ESRRG: variants seen among roughly 807,000 people sequenced by gnomAD.
The protein encoded by ESRRG is estrogen-related receptor gamma.
A neutral mutation model predicts 44.0 loss-of-function variants in ESRRG; 13 were observed. That is an observed-to-expected ratio of 0.30 (90% CI 0.19 to 0.47). The LOEUF (loss-of-function observed/expected upper bound fraction) is 0.47. Ranked by LOEUF, ESRRG falls within the 20% of genes least tolerant of loss-of-function variation. ESRRG has a pLI of 1.00. For synonymous variants in ESRRG, 215 were observed against 214.6 expected (o/e 1.00, Z -0.02); for missense variants, 395 against 580.6 (o/e 0.68, Z 3.29).
chr1:216,616,186 A>G (rs1321100776), intron 3 of ESRRG, among the ~76,000 whole-genome samples: 4 of 152,230 alleles, frequency 2.6e-5, no homozygotes, highest in Middle Eastern at 3.4e-3. Context: ...GGCTGTCACT[A>G]CTGTGTGCCC....
intron 2 of ESRRG, among the ~76,000 whole-genome samples, chr1:216,872,735 A>G (rs1251712219): frequency 6.6e-6 from 1 of 152,034 alleles, no homozygotes; most frequent in Non-Finnish European, 1.5e-5. Context: ...TGCTTGTTGG[A>G]ACAATTTTTA....
At chr1:216,706,579 A>G (rs1379088852) in intron 1 of ESRRG, among the ~76,000 whole-genome samples, 3 of 152,182 alleles carry the variant, frequency 2.0e-5, no homozygotes, top group Admixed American at 6.5e-5. Flanking sequence ...ATCACTTGCA[A>G]TTGGAAACTT....
intron 2 of ESRRG, among the ~76,000 whole-genome samples, chr1:216,665,485 G>C (rs888235293): frequency 9.9e-5 from 15 of 152,120 alleles, no homozygotes; most frequent in African/African-American, 3.6e-4. Flanking sequence ...GAGATATCTA[G>C]AGCAGCCAAA....
chr1:216,939,414 C>T (rs2064830174), intron 2 of ESRRG, among the ~76,000 whole-genome samples: 1 of 135,192 alleles, frequency 7.4e-6, no homozygotes, highest in Non-Finnish European at 1.6e-5. Flanking sequence ...TTTTAAAAGG[C>T]AGAATGCGGA....
At chr1:216,551,643 G>A (rs1383075713) in intron 5 of ESRRG, among the ~76,000 whole-genome samples, 1 of 152,114 alleles carries the variant, frequency 6.6e-6, no homozygotes, top group Non-Finnish European at 1.5e-5. Flanking sequence ...AAAACCCGTG[G>A]ATTATTCACA....
intron 5 of ESRRG, among the ~76,000 whole-genome samples, chr1:216,529,328 G>T (rs1179917684): frequency 6.6e-6 from 1 of 152,078 alleles, no homozygotes; most frequent in African/African-American, 2.4e-5. Context: ...TTTATGGCTG[G>T]CTGAGAGTTT....
At chr1:217,062,766 T>C (rs2088821968) in intron 1 of ESRRG, among the ~76,000 whole-genome samples, 2 of 152,160 alleles carry the variant, frequency 1.3e-5, no homozygotes, top group Non-Finnish European at 1.5e-5. Context: ...CTCCCTTCAG[T>C]CTACAGTTTC....
chr1:217,125,897 G>A (rs1247249802), intron 1 of ESRRG, among the ~76,000 whole-genome samples: 1 of 152,136 alleles, frequency 6.6e-6, no homozygotes, highest in African/African-American at 2.4e-5. Flanking sequence ...TGAATTTGCT[G>A]TGTATGAGAA....
chr1:216,829,537 C>A (rs949516992), intron 2 of ESRRG, among the ~76,000 whole-genome samples: 1 of 145,028 alleles, frequency 6.9e-6, no homozygotes, highest in African/African-American at 2.6e-5. Flanking sequence ...CTGCCTCACT[C>A]CAAATGCCAC....
chr1:217,065,680 C>A (rs2089520943), intron 1 of ESRRG, among the ~76,000 whole-genome samples: 1 of 152,180 alleles, frequency 6.6e-6, no homozygotes, highest in African/African-American at 2.4e-5. Flanking sequence ...CCAGTTCAGT[C>A]CCATATGGTT....
chr1:216,648,203 G>A (rs2068062276), intron 3 of ESRRG, among the ~76,000 whole-genome samples: 1 of 152,076 alleles, frequency 6.6e-6, no homozygotes, highest in South Asian at 2.1e-4. Flanking sequence ...AAACATAATT[G>A]TGCATTTAGA....
intron 1 of ESRRG, among the ~76,000 whole-genome samples, chr1:217,023,255 C>T (rs894320451): frequency 1.3e-5 from 2 of 152,282 alleles, no homozygotes; most frequent in African/African-American, 4.8e-5. Context: ...CAGCTGCAAT[C>T]GTACATCAAT....
chr1:216,579,869 G>A (rs987099975), intron 3 of ESRRG, among the ~76,000 whole-genome samples: 5 of 152,244 alleles, frequency 3.3e-5, no homozygotes, highest in Middle Eastern at 3.4e-3. Flanking sequence ...AAATTTCCTT[G>A]CATTTTCCAA....
At chr1:216,642,439 G>A (rs950946531) in intron 3 of ESRRG, among the ~76,000 whole-genome samples, 6 of 151,810 alleles carry the variant, frequency 4.0e-5, no homozygotes, top group East Asian at 1.9e-4. Context: ...TGCAGTATCC[G>A]CACATAAAAT....
intron 2 of ESRRG, among the ~76,000 whole-genome samples, chr1:216,788,380 A>G (rs1289191720): frequency 2.0e-5 from 3 of 152,108 alleles, no homozygotes; most frequent in African/African-American, 7.2e-5. Context: ...GAATGATCCT[A>G]AATCTACTCT....
chr1:217,133,645 C>CTCTCTCTCTCTCTCTTTCTTTCTTTCTT (rs1266397788), intron 1 of ESRRG, among the ~76,000 whole-genome samples: 9 of 91,798 alleles, frequency 9.8e-5, no homozygotes, highest in Non-Finnish European at 1.8e-4. Context: ...CTCTCTCTCT[C>CTCTCTCTCTCTCTCTTTCTTTCTTTCTT]TCTTTCTTTC....
chr1:216,504,927 G>A lies in ESRRG; in HGVS notation c.*2012C>T, dbSNP rs1450518615. ...ATAGAATATACTACTGTAGTCTCCT[G>A]AGGAATTGTACATCCAATATTGTCT... On this transcript the variant is annotated 3_prime_UTR_variant, in exon 7 of 7. Coordinates refer to ENST00000408911, the MANE Select transcript of ESRRG (RefSeq NM_001438.4). The A allele has an allele frequency of 6.6e-6, 1 of 152,560 alleles. No homozygotes were observed. Among genetic ancestry groups the A allele is most frequent in the East Asian group, 1.9e-4 (1 of 5,196 alleles). 9.5% of individuals were successfully genotyped at this position (152,560 alleles called of 1,614,324 possible).
At chr1:217,041,606 C>A (rs948446974) in intron 1 of ESRRG, among the ~76,000 whole-genome samples, 1 of 152,126 alleles carries the variant, frequency 6.6e-6, no homozygotes, top group South Asian at 2.1e-4. Context: ...CTGGAAAAAT[C>A]AGTCACCACA....
intron 5 of ESRRG, among the ~76,000 whole-genome samples, chr1:216,543,141 G>C (rs1572644895): frequency 6.6e-6 from 1 of 151,894 alleles, no homozygotes; most frequent in East Asian, 1.9e-4. Context: ...AATGCACATG[G>C]GACAATCTTC....
Sources: allele counts gnomAD v4.1 joint callset (sites outside exome capture counted in the v4.1 genomes callset), GRCh38; gene constraint gnomAD v4.1.1; transcripts MANE v1.5; gene names NCBI Gene and HGNC (gene_info 2026-07-23, HGNC 2026-07-21).